CAMKK2: variants seen among roughly 807,000 people sequenced by gnomAD.
The protein encoded by CAMKK2 is calcium/calmodulin dependent protein kinase kinase 2, also known as calcium/calmodulin-dependent protein kinase kinase 2.
A neutral mutation model predicts 67.2 loss-of-function variants in CAMKK2; 30 were observed. That is an observed-to-expected ratio of 0.45 (90% CI 0.33 to 0.61). The LOEUF is 0.61. CAMKK2 is among the 20% of genes least tolerant of loss of function. The pLI is 0.02. For synonymous variants in CAMKK2, 322 were observed against 326.2 expected (o/e 0.99, Z 0.14); for missense variants, 643 against 802.0 (o/e 0.80, Z 2.39).
intron 5 of CAMKK2, 92 bp from the exon 6 acceptor site, chr12:121,264,031 CA>C: frequency 2.4e-6 from 3 of 1,239,752 alleles, no homozygotes; most frequent in Non-Finnish European, 1.1e-6. Context: ...GGTGGGATGC[CA>C]AAAAGCCACT....
In CAMKK2 at chr12:121,253,134, C is replaced by T; in HGVS notation, c.1107+139G>A. On this transcript the variant is annotated intron_variant, in intron 10 of 16. Coordinates refer to ENST00000404169, the MANE Select transcript of CAMKK2 (RefSeq NM_001270485.2). This position sits in a 1 kb window ranked among gnomAD's most constrained non-coding sequence, Gnocchi z 5.0. Reference sequence around the variant, plus strand: ...TTCTGTTTGAGTCCCTGGATCTAGCCAAGCCTGAAGCCTACCCCTCAGTAT... The same window carrying T: ...TTCTGTTTGAGTCCCTGGATCTAGCTAAGCCTGAAGCCTACCCCTCAGTAT... 2 of 726,188 alleles carry T rather than the reference C, an allele frequency of 2.8e-6. No individual in the cohort carries two copies. The highest frequency in any genetic ancestry group is 4.7e-6 in the Non-Finnish European group (2 of 429,536). 45.0% of individuals were successfully genotyped at this position (726,188 alleles called of 1,614,324 possible).
chr12:121,279,985 C>T (rs549049701), intron 1 of CAMKK2, among the ~76,000 whole-genome samples: 48 of 152,374 alleles, frequency 3.2e-4, no homozygotes, highest in African/African-American at 1.1e-3. Context: ...CCCGGACACA[C>T]CTGTGCAGGC....
At chr12:121,266,888 A>G (rs987311241) in intron 5 of CAMKK2, among the ~76,000 whole-genome samples, 4 of 151,924 alleles carry the variant, frequency 2.6e-5, no homozygotes, top group Admixed American at 1.3e-4. Context: ...TGATACTCTC[A>G]CCTGCAGCCT....
At chr12:121,244,037 G>A in intron 16 of CAMKK2, 1 of 1,577,520 alleles carries the variant, frequency 6.3e-7, no homozygotes, top group Admixed American at 1.9e-5. Flanking sequence ...TATGAAGGAA[G>A]GGTGGCTGAC....
rs1891767314 is a variant in CAMKK2, at chr12:121,255,263, T to TTTATATATATAA, written c.907+286_907+287insTTATATATATAA. The stretch of plus-strand genomic sequence containing the variant: ...ATATATATATAATTATATATATAAT[T>TTTATATATATAA]TTATATATATATAATTATATATATA... On this transcript the variant is annotated intron_variant, in intron 9 of 16. Coordinates refer to ENST00000404169, the MANE Select transcript of CAMKK2 (RefSeq NM_001270485.2). 8.2e-4 allele frequency among the ~76,000 whole-genome samples: 19 copies of TTTATATATATAA among 23,130 alleles called. 6 individuals are homozygous for TTTATATATATAA. The highest frequency in any genetic ancestry group is 0.014 in the Middle Eastern group (1 of 70). 15.2% of individuals were successfully genotyped at this position (23,130 alleles called of 152,430 possible).
At chr12:121,281,178 G>A (rs1566125293) in intron 1 of CAMKK2, among the ~76,000 whole-genome samples, 2 of 152,378 alleles carry the variant, frequency 1.3e-5, no homozygotes, top group South Asian at 4.1e-4. Flanking sequence ...AAGAACCTAT[G>A]TGATTATCGG....
chr12:121,297,816 A>G (rs1901551065), upstream of CAMKK2: 1 of 428,750 alleles, frequency 2.3e-6, no homozygotes, highest in Non-Finnish European at 4.7e-6. Context: ...CCGTAGGGAC[A>G]CTCACATGCA....
At chr12:121,260,076 C>G (rs775390498) in intron 7 of CAMKK2, among the ~76,000 whole-genome samples, 2 of 152,248 alleles carry the variant, frequency 1.3e-5, no homozygotes, top group Non-Finnish European at 2.9e-5. Context: ...GAGCAAGACC[C>G]TGACTCAAAA....
chr12:121,262,562 T>C (rs796343645), intron 6 of CAMKK2, among the ~76,000 whole-genome samples: 7 of 137,316 alleles, frequency 5.1e-5, no homozygotes, highest in African/African-American at 2.2e-4. Context: ...GCTTATTGTT[T>C]TCTTTTCTTT....
chr12:121,284,356 G>A (rs1009040220), intron 1 of CAMKK2, among the ~76,000 whole-genome samples: 8 of 152,132 alleles, frequency 5.3e-5, no homozygotes, highest in East Asian at 1.9e-4. Context: ...ATGGAGTCTC[G>A]CTCTGTTGCC....
At chr12:121,290,092 G>A (rs1419959723) in intron 1 of CAMKK2, among the ~76,000 whole-genome samples, 1 of 152,114 alleles carries the variant, frequency 6.6e-6, no homozygotes, top group Non-Finnish European at 1.5e-5. Context: ...ACACAGCGTG[G>A]CTCAAGCTAA....
At chr12:121,250,650 C>A (rs1433472551) in intron 11 of CAMKK2, among the ~76,000 whole-genome samples, 1 of 152,264 alleles carries the variant, frequency 6.6e-6, no homozygotes, top group African/African-American at 2.4e-5. Context: ...TAGCACTTAT[C>A]CCTGACGTTA....
chr12:121,249,556 AAGTGCAGGCTGGCGGGTC>A (rs1890219922), intron 13 of CAMKK2, among the ~76,000 whole-genome samples: 1 of 152,170 alleles, frequency 6.6e-6, no homozygotes, highest in East Asian at 1.9e-4. Context: ...CAATCAGAGC[AAGTGCAGGCTGGCGGGTC>A]ATAGATCCCA....
intron 1 of CAMKK2, among the ~76,000 whole-genome samples, chr12:121,289,080 C>G (rs1245858285): frequency 6.6e-6 from 1 of 152,110 alleles, no homozygotes. Flanking sequence ...CCACCCCACC[C>G]CAACCAAAAG....
intron 1 of CAMKK2, among the ~76,000 whole-genome samples, chr12:121,292,063 A>T (rs1900136334): frequency 6.6e-6 from 1 of 152,058 alleles, no homozygotes; most frequent in African/African-American, 2.4e-5. Context: ...TCAAAAAAAT[A>T]AATAAATAAA....
chr12:121,252,824 G>A (rs1048659784), intron 10 of CAMKK2, 110 bp from the exon 11 acceptor site: 52 of 1,073,530 alleles, frequency 4.8e-5, no homozygotes, highest in Middle Eastern at 5.0e-4. Context: ...GAGTTGGGGC[G>A]GGACCAATCT....
chr12:121,289,595 C>T (rs1244861758), intron 1 of CAMKK2, among the ~76,000 whole-genome samples: 2 of 152,128 alleles, frequency 1.3e-5, no homozygotes, highest in African/African-American at 4.8e-5. Context: ...CATAATTTGC[C>T]AGTACAAGGA....
intron 5 of CAMKK2, among the ~76,000 whole-genome samples, chr12:121,268,404 T>C (rs546922094): frequency 1.3e-5 from 2 of 152,282 alleles, no homozygotes; most frequent in Admixed American, 6.5e-5. Flanking sequence ...TTTTATTTTA[T>C]TATTTTTTGA....
At chr12:121,263,389 G>A (rs969986231) in intron 6 of CAMKK2, among the ~76,000 whole-genome samples, 4 of 152,112 alleles carry the variant, frequency 2.6e-5, no homozygotes, top group Non-Finnish European at 4.4e-5. Context: ...CATTATAAGC[G>A]CGAGCCAGTG....
Sources: gnomAD v4.1 joint callset for allele counts (sites outside exome capture counted in the v4.1 genomes callset) on GRCh38, gnomAD v4.1.1 for gene constraint, Gnocchi (gnomAD v3.1) non-coding constraint, MANE v1.5 for transcripts, NCBI Gene and HGNC (gene_info 2026-07-23, HGNC 2026-07-21) for gene names.